LAMA1: variants seen among roughly 807,000 people sequenced by gnomAD.
LAMA1 encodes the protein laminin subunit alpha-1.
LAMA1 carries 219 observed loss-of-function variants against 348.7 expected under a neutral mutation model. The observed-to-expected ratio is 0.63, with a 90% confidence interval of 0.56 to 0.70. The LOEUF is 0.70. Among genes scored for constraint, LAMA1 ranks in the 30% least tolerant of loss-of-function variants. LAMA1 has a pLI of 0.00. For missense variants in LAMA1, 3,744 were observed against 3,888.0 expected, an observed-to-expected ratio of 0.96 and a Z score of 0.99; for synonymous variants, 1,487 against 1,491.0, an observed-to-expected ratio of 1.00 and a Z score of 0.06.
At chr18:7,015,114 C>T (rs2057880863) in intron 22 of LAMA1, among the ~76,000 whole-genome samples, 1 of 152,216 alleles carries the variant, frequency 6.6e-6, no homozygotes, top group South Asian at 2.1e-4. Flanking sequence ...TCCCAAAGTG[C>T]TGGGATGACA....
intron 19 of LAMA1, among the ~76,000 whole-genome samples, chr18:7,019,616 C>T (rs2057906083): frequency 6.6e-6 from 1 of 150,842 alleles, no homozygotes; most frequent in Non-Finnish European, 1.5e-5. Context: ...GATAACTTTC[C>T]ATAGGTCACA....
In LAMA1 at chr18:6,966,214, T is replaced by G. The variant is rs766447172; in HGVS notation, c.6983A>C (p.Gln2328Pro). ...VEKSLPATVTQIIMLFNTFSP... is the reference protein window; with the variant it reads ...VEKSLPATVTPIIMLFNTFSP... ...AAAGGTATTAAAAAGCATGATTATCTGGGTCACGGTAGCCGGAAGTGACTT... is the reference window on the plus strand; with the variant it reads ...AAAGGTATTAAAAAGCATGATTATCGGGGTCACGGTAGCCGGAAGTGACTT... Residue 2328 changes from glutamine to proline, a missense_variant, in exon 49 of 63, where the codon CAG (glutamine) becomes CCG (proline). This residue lies in a region of LAMA1 where 1,983 missense variants were observed against 1,934.3 expected (regional missense o/e 1.03). Transcript: ENST00000389658. The G allele has an allele frequency of 1.2e-6, 2 of 1,614,002 alleles. No individual in the cohort carries two copies. The highest frequency in any genetic ancestry group is 1.3e-5 in the African/African-American group (1 of 75,034).
At chr18:6,980,289 G>C (rs961098977) in intron 42 of LAMA1, among the ~76,000 whole-genome samples, 2 of 152,142 alleles carry the variant, frequency 1.3e-5, no homozygotes, top group African/African-American at 2.4e-5. Flanking sequence ...TGCAGTCTCT[G>C]TTTTTAAGAC....
At chr18:6,954,681 TCA>T (rs1353926311) in intron 57 of LAMA1, 11 of 160,548 alleles carry the variant, frequency 6.9e-5, no homozygotes, top group East Asian at 5.5e-4. Context: ...GCTGTTGAAT[TCA>T]CAGAGAGTGA....
intron 22 of LAMA1, among the ~76,000 whole-genome samples, chr18:7,014,328 T>C (rs1249299070): frequency 1.3e-5 from 2 of 152,146 alleles, no homozygotes; most frequent in African/African-American, 4.8e-5. Context: ...ACGAAATTAC[T>C]GTAGAAATCA....
chr18:6,988,010 A>G (rs1164084043), intron 36 of LAMA1, among the ~76,000 whole-genome samples: 1 of 152,176 alleles, frequency 6.6e-6, no homozygotes, highest in Non-Finnish European at 1.5e-5. Flanking sequence ...GCTACCCAGG[A>G]GGCTGAGGTG....
intron 42 of LAMA1, among the ~76,000 whole-genome samples, chr18:6,979,406 ACTTGTAATC>A (rs1234811191): frequency 6.6e-6 from 1 of 152,178 alleles, no homozygotes; most frequent in African/African-American, 2.4e-5. Context: ...AGTGGCTCAC[ACTTGTAATC>A]CCAGAACTTT....
Position 6,982,607 on chromosome 18 carries a change from C to G in LAMA1, c.5797-17G>C. On this transcript the variant is annotated splice_polypyrimidine_tract_variant and intron_variant, in intron 40 of 62. Transcript: ENST00000389658. ...TTCTGAGAGCTGGAAAACAGAACCACTTAAGCGTGGTGAGAGCAGGGCAGG... is the reference window on the plus strand; with the variant it reads ...TTCTGAGAGCTGGAAAACAGAACCAGTTAAGCGTGGTGAGAGCAGGGCAGG... 6.2e-7 allele frequency: 1 copy of G among 1,610,868 alleles called. No individual in the cohort carries two copies. Among genetic ancestry groups the G allele is most frequent in the Non-Finnish European group, 8.5e-7 (1 of 1,177,062 alleles).
chr18:7,073,195 T>G (rs1393207711), intron 3 of LAMA1, among the ~76,000 whole-genome samples: 2 of 152,184 alleles, frequency 1.3e-5, no homozygotes, highest in Non-Finnish European at 2.9e-5. Context: ...TATTCCTGAC[T>G]GACCCTGGCT....
chr18:7,021,804 TA>T (rs1568034551), intron 19 of LAMA1, among the ~76,000 whole-genome samples: 1 of 71,536 alleles, frequency 1.4e-5, no homozygotes, highest in African/African-American at 6.2e-5. Flanking sequence ...AATAATATAT[TA>T]TATTATATAA....
At position 7,085,773 on chromosome 18, in the gene LAMA1, A is replaced by G. The variant is rs2058214920; in HGVS notation, c.62-5316T>C. ...AAGTGAACATCTATAATTTGATCAGAGAAGTCTGGTATTAGAAAGAAGCTA... is the reference window on the plus strand; with the variant it reads ...AAGTGAACATCTATAATTTGATCAGGGAAGTCTGGTATTAGAAAGAAGCTA... On this transcript the variant is annotated intron_variant, in intron 1 of 62. Transcript: ENST00000389658. 2.0e-5 allele frequency among the ~76,000 whole-genome samples: 3 copies of G among 152,238 alleles called. No individual in the cohort carries two copies. In the South Asian group the frequency reaches 6.2e-4, roughly 32 times the overall value.
In LAMA1 at chr18:6,955,375, T is replaced by C. The variant is rs771109160; in HGVS notation, c.8185A>G (p.Asn2729Asp). ...TQNSHFILPF[N>D]QSAVRKKLSV... ...TACTTCTTTCTGACAGCCGACTGAT[T>C]AAAAGGCAAGATGAAATGGCTGTTT... is the stretch of plus-strand genomic sequence containing the variant. The change falls in exon 57 of 63, where the codon AAT (asparagine) becomes GAT (aspartate). Residue 2729 changes from asparagine (N) to aspartate (D), a missense_variant. Transcript: ENST00000389658. 3.7e-6 allele frequency: 6 copies of C among 1,613,968 alleles called. No individual in the cohort carries two copies. The South Asian group carries it at 6.6e-5, about 18-fold the overall frequency.
intron 41 of LAMA1, among the ~76,000 whole-genome samples, chr18:6,982,036 T>C (rs1470417593): frequency 6.6e-6 from 1 of 152,168 alleles, no homozygotes; most frequent in Non-Finnish European, 1.5e-5. Flanking sequence ...GCTAAATCAA[T>C]TAGGATTTAA....
intron 23 of LAMA1, among the ~76,000 whole-genome samples, chr18:7,012,443 T>A (rs1434024724): frequency 6.6e-6 from 1 of 150,996 alleles, no homozygotes; most frequent in East Asian, 1.9e-4. Flanking sequence ...ATTCTGATGA[T>A]CCCTGGGTGT....
At chr18:7,074,635 G>T (rs1274253025) in intron 3 of LAMA1, among the ~76,000 whole-genome samples, 1 of 152,030 alleles carries the variant, frequency 6.6e-6, no homozygotes, top group Admixed American at 6.6e-5. Flanking sequence ...TGTTAATTTT[G>T]TATTTGTTAA....
intron 3 of LAMA1, among the ~76,000 whole-genome samples, chr18:7,056,428 G>T (rs966914488): frequency 1.3e-5 from 2 of 152,190 alleles, no homozygotes; most frequent in Non-Finnish European, 2.9e-5. Flanking sequence ...CGTGTTAAGA[G>T]CTTTATACAT....
chr18:7,110,847 G>GGT, intron 1 of LAMA1, among the ~76,000 whole-genome samples: 1 of 150,580 alleles, frequency 6.6e-6, no homozygotes, highest in East Asian at 2.0e-4. Context: ...AAAAAAGTAT[G>GGT]GTGTACCATA....
At chr18:7,108,932 G>C (rs2058325098) in intron 1 of LAMA1, among the ~76,000 whole-genome samples, 1 of 152,086 alleles carries the variant, frequency 6.6e-6, no homozygotes. Flanking sequence ...CCCATCACAG[G>C]ACACAGCAGC....
At chr18:7,057,471 C>CTTT (rs552843703) in intron 3 of LAMA1, among the ~76,000 whole-genome samples, 76 of 90,786 alleles carry the variant, frequency 8.4e-4, no homozygotes, top group Non-Finnish European at 1.2e-3. Flanking sequence ...CTTTTCTTTT[C>CTTT]TTTTTTTTTT....
Sources: allele counts gnomAD v4.1 joint callset (sites outside exome capture counted in the v4.1 genomes callset), GRCh38; gene constraint gnomAD v4.1.1; regional missense constraint gnomAD v4.1.1; transcripts MANE v1.5; gene names NCBI Gene and HGNC (gene_info 2026-07-23, HGNC 2026-07-21).